The following SVOPL variants were observed in gnomAD, a reference collection of about 807,000 sequenced individuals.
The protein encoded by SVOPL is SVOP like, also known as putative transporter SVOPL.
Under a neutral mutation model 61.0 loss-of-function variants are expected in SVOPL, and 60 were observed. The ratio of observed to expected loss-of-function variants is 0.98; its 90% CI spans 0.80 to 1.22. The LOEUF (loss-of-function observed/expected upper bound fraction) is 1.22, where lower values mean the gene tolerates loss of function less well. SVOPL is among the 50% of genes most tolerant of loss of function. The pLI, the probability that SVOPL is intolerant of heterozygous loss-of-function variation, is 0.00. For synonymous variants in SVOPL, 279 were observed against 250.0 expected, an observed-to-expected ratio of 1.12 and a Z score of -1.09; for missense variants, 662 against 643.9, an observed-to-expected ratio of 1.03 and a Z score of -0.30.
intron 1 of SVOPL, among the ~76,000 whole-genome samples, chr7:138,686,328 C>CGG (rs1196445620): frequency 7.1e-6 from 1 of 140,386 alleles, no homozygotes; most frequent in Non-Finnish European, 1.5e-5. Flanking sequence ...GCTTGAACCC[C>CGG]GGGGGGGGCG....
chr7:138,684,148 C>T (rs910963226), intron 1 of SVOPL, among the ~76,000 whole-genome samples: 2 of 151,400 alleles, frequency 1.3e-5, no homozygotes, highest in Admixed American at 6.6e-5. Context: ...GCAGATCACC[C>T]GAGGTCAGGA....
At position 138,662,246 on chromosome 7, in the gene SVOPL, T is replaced by G. The variant is rs148305662; in HGVS notation, c.345+828A>C. 1,187 of 985,480 alleles carry G rather than the reference T, an allele frequency of 1.2e-3. 1 individual carries two copies. The highest frequency in any genetic ancestry group is 1.3e-3 in the Non-Finnish European group (1,094 of 829,942). 61.0% of individuals were successfully genotyped at this position (985,480 alleles called of 1,614,324 possible). On this transcript the variant is annotated intron_variant, in intron 5 of 15. Transcript: ENST00000674285. ...GGTCTTGGCCATCCAGCACTAGTCATTTTACTTTTTCTTGTCCTAAAATTC... is the reference window on the plus strand; with the variant it reads ...GGTCTTGGCCATCCAGCACTAGTCAGTTTACTTTTTCTTGTCCTAAAATTC...
rs375580412 is a variant in SVOPL, at chr7:138,677,006, C to T, written c.174+1428G>A. Among the ~76,000 whole-genome samples, 12 of 151,372 alleles carry T rather than the reference C, an allele frequency of 7.9e-5. No homozygotes were observed. The East Asian group carries it at 2.1e-3, about 27-fold the overall frequency. On this transcript the variant is annotated intron_variant, in intron 3 of 15. Transcript: ENST00000674285. ...GCAACCTCCACCTCCCGGATTCACG[C>T]CATTCTCCTGCCTCAGCCTCCCGAG... is the stretch of plus-strand genomic sequence containing the variant.
At position 138,640,972 on chromosome 7, in the gene SVOPL, G is replaced by A. The variant is rs570295634; in HGVS notation, c.789+3745C>T. Among the ~76,000 whole-genome samples the A allele has an allele frequency of 2.1e-3, 320 of 152,242 alleles. 2 individuals carry two copies. The highest frequency in any genetic ancestry group is 7.5e-3 in the African/African-American group (312 of 41,536). The stretch of plus-strand genomic sequence containing the variant: ...AATCCCATAAATTTGGGAGGCCAAG[G>A]AGGGAGGACTGCTTGACCCCAGGAG... On this transcript the variant is annotated intron_variant, in intron 9 of 15. Transcript: ENST00000674285.
intron 1 of SVOPL, among the ~76,000 whole-genome samples, chr7:138,685,133 T>C (rs2117131003): frequency 6.6e-6 from 1 of 152,160 alleles, no homozygotes; most frequent in Non-Finnish European, 1.5e-5. Flanking sequence ...GGTTTCACCA[T>C]GTTGGTCAGG....
intron 14 of SVOPL, among the ~76,000 whole-genome samples, chr7:138,608,158 T>C (rs113737715): frequency 3.2e-4 from 48 of 152,302 alleles, no homozygotes; most frequent in Non-Finnish European, 6.0e-4. Flanking sequence ...CTTGGATACA[T>C]AGACAACGCT....
At chr7:138,659,826 A>G (rs1430492615) in intron 6 of SVOPL, 38 bp downstream of exon 6, 12 of 1,545,378 alleles carry the variant, frequency 7.8e-6, no homozygotes, top group African/African-American at 1.4e-5. Flanking sequence ...GCAGGGGTAC[A>G]CGTTTCTGTC....
At chr7:138,672,946 T>C (rs1802467622) in intron 3 of SVOPL, among the ~76,000 whole-genome samples, 1 of 150,324 alleles carries the variant, frequency 6.7e-6, no homozygotes, top group Non-Finnish European at 1.5e-5. Flanking sequence ...AGAAAAGAAT[T>C]GAAGGAATAA....
intron 6 of SVOPL, among the ~76,000 whole-genome samples, chr7:138,657,220 A>G (rs908812751): frequency 1.3e-5 from 2 of 151,650 alleles, no homozygotes; most frequent in Admixed American, 6.6e-5. Context: ...CAGTGGTTTG[A>G]TCACAGCTCG....
intron 1 of SVOPL, among the ~76,000 whole-genome samples, chr7:138,680,118 A>G (rs997151042): frequency 2.0e-5 from 3 of 151,560 alleles, no homozygotes; most frequent in African/African-American, 7.3e-5. Context: ...GCAGCACTTC[A>G]CACTTCTGCA....
At chr7:138,596,064 A>G (rs749424745) in intron 15 of SVOPL, among the ~76,000 whole-genome samples, 9 of 151,656 alleles carry the variant, frequency 5.9e-5, no homozygotes, top group Admixed American at 1.3e-4. Flanking sequence ...TGGCACGTGC[A>G]TGTAGTCCCA....
intron 12 of SVOPL, among the ~76,000 whole-genome samples, chr7:138,627,090 C>T (rs1361797697): frequency 6.6e-6 from 1 of 152,112 alleles, no homozygotes. Context: ...ACATAATGAT[C>T]CTCAATATTT....
rs770404185 is a variant in SVOPL, at chr7:138,615,560, C to CAAAAAAAAAAAAAAAAA, written c.1353+5469_1353+5485dup. Among the ~76,000 whole-genome samples the CAAAAAAAAAAAAAAAAA allele has an allele frequency of 1.8e-3, 10 of 5,542 alleles. 1 individual carries two copies. Among genetic ancestry groups the CAAAAAAAAAAAAAAAAA allele is most frequent in the African/African-American group, 3.3e-3 (10 of 3,014 alleles). The allele number at this position is 5,542 out of a possible 152,430, so 3.6% of individuals were successfully genotyped here. A position where few individuals can be genotyped will look rare whatever the true frequency, so the allele number is the denominator to read the frequency against. On this transcript the variant is annotated intron_variant, in intron 14 of 15. Coordinates refer to ENST00000674285, the MANE Select transcript of SVOPL (RefSeq NM_001139456.2). ...GGGTGACAGAGCGAGACTCCGTCTC[C>CAAAAAAAAAAAAAAAAA]AAAAAAAAAAAAAAAAAAAAAAAAA...
intron 14 of SVOPL, among the ~76,000 whole-genome samples, chr7:138,603,169 A>G (rs111804660): frequency 0.058 from 8,875 of 152,260 alleles, 299 homozygotes; most frequent in Middle Eastern, 0.095. Flanking sequence ...CTCTGGCAAT[A>G]AATTACAGAT....
chr7:138,628,391 C>T lies in SVOPL; in HGVS notation c.864-28G>A, dbSNP rs1485183335. 5 of 1,608,104 alleles carry T rather than the reference C, an allele frequency of 3.1e-6. No homozygotes were observed. The South Asian group carries it at 4.4e-5, about 14-fold the overall frequency. ...GGAAGAGAGAAAACAAAGTCACTAG[C>T]CAACGCTGACACCAGACCTGAAGGA... On this transcript the variant is annotated intron_variant, in intron 10 of 15. Coordinates refer to ENST00000674285, the MANE Select transcript of SVOPL (RefSeq NM_001139456.2).
intron 7 of SVOPL, among the ~76,000 whole-genome samples, chr7:138,650,765 A>G (rs1174219067): frequency 7.6e-6 from 1 of 131,282 alleles, no homozygotes; most frequent in African/African-American, 3.0e-5. Flanking sequence ...GGGAGCTGTG[A>G]TCACACCAAT....
At position 138,654,868 on chromosome 7, in the gene SVOPL, C is replaced by CTT. The variant is rs34598728; in HGVS notation, c.534+1578_534+1579dup. Among the ~76,000 whole-genome samples the CTT allele has an allele frequency of 5.7e-3, 776 of 135,182 alleles. 7 individuals are homozygous for CTT. Among genetic ancestry groups the CTT allele is most frequent in the African/African-American group, 0.02 (705 of 35,304 alleles). 88.7% of individuals were successfully genotyped at this position (135,182 alleles called of 152,430 possible). A position where few individuals can be genotyped will look rare whatever the true frequency, so the allele number is the denominator to read the frequency against. ...ACATTTTCACTTCCTGTTTCACTTC[C>CTT]TTTTTTTTTTTTTTTTTAAAAAAAA... On this transcript the variant is annotated intron_variant, in intron 7 of 15. Transcript: ENST00000674285.
chr7:138,675,603 G>A lies in SVOPL; in HGVS notation c.174+2831C>T, dbSNP rs1038879395. 7.9e-5 allele frequency among the ~76,000 whole-genome samples: 12 copies of A among 152,170 alleles called. 1 individual carries two copies. In the South Asian group the frequency reaches 1.0e-3, roughly 13 times the overall value. On this transcript the variant is annotated intron_variant, in intron 3 of 15. Coordinates refer to ENST00000674285, the MANE Select transcript of SVOPL (RefSeq NM_001139456.2). ...ACTCCTGACCACAGGTGATCTACCC[G>A]CCTTGGCCTCCCAAAGTGCTGGGAT... is the stretch of plus-strand genomic sequence containing the variant.
At chr7:138,662,892 A>G in intron 5 of SVOPL, 182 bp downstream of exon 5, 1 of 1,438,254 alleles carries the variant, frequency 7.0e-7, no homozygotes. Context: ...CTGCAGGCAC[A>G]GGTACCCTGA....
Sources: allele counts gnomAD v4.1 joint callset (sites outside exome capture counted in the v4.1 genomes callset), GRCh38; gene constraint gnomAD v4.1.1; transcripts MANE v1.5; gene names NCBI Gene and HGNC (gene_info 2026-07-23, HGNC 2026-07-21).